Variants in ADCY2 observed in about 807,000 individuals in gnomAD.
ADCY2 encodes the protein adenylate cyclase type 2.
ADCY2 carries 31 observed loss-of-function variants against 125.2 expected under a neutral mutation model. The ratio of observed to expected loss-of-function variants is 0.25; its 90% confidence interval spans 0.19 to 0.33. The LOEUF (loss-of-function observed/expected upper bound fraction) is 0.33, where lower values mean the gene tolerates loss of function less well. ADCY2 is among the 10% of genes least tolerant of loss of function. The probability of loss-of-function intolerance (pLI) is 1.00; values close to 1 mark genes in which losing one functional copy is unlikely to be tolerated. For missense variants in ADCY2, 904 were observed against 1,418.2 expected, an observed-to-expected ratio of 0.64 and a Z score of 5.82; for synonymous variants, 512 against 548.4, an observed-to-expected ratio of 0.93 and a Z score of 0.93.
At chr5:7,573,151 A>C (rs1736116393) in intron 3 of ADCY2, among the ~76,000 whole-genome samples, 1 of 152,188 alleles carries the variant, frequency 6.6e-6, no homozygotes, top group Non-Finnish European at 1.5e-5. Flanking sequence ...TCTAGCCTTG[A>C]AAACTGTGAG....
At chr5:7,762,309 G>A (rs765082652) in intron 16 of ADCY2, among the ~76,000 whole-genome samples, 2 of 152,258 alleles carry the variant, frequency 1.3e-5, no homozygotes, top group Admixed American at 1.3e-4. Context: ...TGGCTGTAGA[G>A]CCTTGTTTAT....
intron 4 of ADCY2, among the ~76,000 whole-genome samples, chr5:7,680,271 A>C (rs1740285879): frequency 6.6e-6 from 1 of 152,168 alleles, no homozygotes; most frequent in Admixed American, 6.5e-5. Context: ...TCTATGTCTC[A>C]GTCTACTGGA....
At chr5:7,423,203 A>C (rs1158825548) in intron 2 of ADCY2, among the ~76,000 whole-genome samples, 2 of 152,194 alleles carry the variant, frequency 1.3e-5, no homozygotes, top group Non-Finnish European at 2.9e-5. Flanking sequence ...AGGGAAGTGC[A>C]GCTGAGCTGG....
intron 3 of ADCY2, among the ~76,000 whole-genome samples, chr5:7,586,692 C>A (rs1736638663): frequency 6.6e-6 from 1 of 152,106 alleles, no homozygotes; most frequent in South Asian, 2.1e-4. Context: ...CCATGATAAA[C>A]TCATCAAGAG....
At chr5:7,693,960 T>C (rs866769893) in intron 5 of ADCY2, among the ~76,000 whole-genome samples, 1 of 152,160 alleles carries the variant, frequency 6.6e-6, no homozygotes, top group South Asian at 2.1e-4. Context: ...TCCTTCCTCT[T>C]GCACAATGGC....
At chr5:7,546,776 G>A (rs779559427) in intron 3 of ADCY2, among the ~76,000 whole-genome samples, 10 of 152,172 alleles carry the variant, frequency 6.6e-5, no homozygotes, top group Non-Finnish European at 1.5e-4. Context: ...CTCTCTTTCA[G>A]CTGTCTTCTC....
chr5:7,811,257 T>C (rs138752858), intron 22 of ADCY2, among the ~76,000 whole-genome samples: 79 of 152,116 alleles, frequency 5.2e-4, no homozygotes, highest in African/African-American at 1.9e-3. Flanking sequence ...AATCCCAGCA[T>C]TTTGAGGGGC....
chr5:7,490,657 A>G (rs574363328), intron 2 of ADCY2, among the ~76,000 whole-genome samples: 1 of 152,140 alleles, frequency 6.6e-6, no homozygotes, highest in African/African-American at 2.4e-5. Flanking sequence ...ACACACATGC[A>G]TGCATGCACA....
At chr5:7,735,806 T>G (rs1742232134) in intron 14 of ADCY2, among the ~76,000 whole-genome samples, 1 of 152,220 alleles carries the variant, frequency 6.6e-6, no homozygotes, top group Admixed American at 6.5e-5. Flanking sequence ...TCTTTGGTAT[T>G]GGTGTCAGGG....
intron 4 of ADCY2, among the ~76,000 whole-genome samples, chr5:7,639,373 T>C (rs2126671903): frequency 6.6e-6 from 1 of 152,260 alleles, no homozygotes; most frequent in African/African-American, 2.4e-5. Flanking sequence ...TGACCAAGAG[T>C]CCACTGCACA....
intron 17 of ADCY2, among the ~76,000 whole-genome samples, chr5:7,772,372 G>T (rs1420895342): frequency 6.6e-6 from 1 of 152,018 alleles, no homozygotes; most frequent in South Asian, 2.1e-4. Flanking sequence ...ACTCCCGGGG[G>T]GATTCATGAC....
chr5:7,663,185 C>G (rs1739595021), intron 4 of ADCY2, among the ~76,000 whole-genome samples: 1 of 152,216 alleles, frequency 6.6e-6, no homozygotes, highest in African/African-American at 2.4e-5. Context: ...CTACAGTAGA[C>G]AGAGTTAGGT....
At chr5:7,686,338 A>G (rs974810197) in intron 4 of ADCY2, among the ~76,000 whole-genome samples, 2 of 152,234 alleles carry the variant, frequency 1.3e-5, no homozygotes, top group South Asian at 2.1e-4. Context: ...AGTACATTGA[A>G]ATTTACTAAA....
chr5:7,736,301 G>A (rs1464776717), intron 14 of ADCY2, among the ~76,000 whole-genome samples: 1 of 152,092 alleles, frequency 6.6e-6, no homozygotes, highest in Non-Finnish European at 1.5e-5. Flanking sequence ...TTTGTAAGTA[G>A]ATTTTTTTAA....
At chr5:7,810,707 A>C (rs1390119843) in intron 22 of ADCY2, among the ~76,000 whole-genome samples, 2 of 152,122 alleles carry the variant, frequency 1.3e-5, no homozygotes, top group Non-Finnish European at 2.9e-5. Flanking sequence ...CCTGATCTTC[A>C]TCCTGATGAC....
At chr5:7,764,730 T>G (rs1413831560) in intron 16 of ADCY2, among the ~76,000 whole-genome samples, 1 of 152,200 alleles carries the variant, frequency 6.6e-6, no homozygotes, top group Admixed American at 6.5e-5. Flanking sequence ...AGAGAAGAGC[T>G]GCCTAAATCA....
At chr5:7,608,700 G>A (rs1412857649) in intron 3 of ADCY2, among the ~76,000 whole-genome samples, 1 of 152,132 alleles carries the variant, frequency 6.6e-6, no homozygotes, top group Non-Finnish European at 1.5e-5. Context: ...AAAATCTAAT[G>A]CCACAGGTAT....
At chr5:7,410,859 G>A (rs979995326) in intron 1 of ADCY2, among the ~76,000 whole-genome samples, 1 of 152,004 alleles carries the variant, frequency 6.6e-6, no homozygotes, top group Non-Finnish European at 1.5e-5. Context: ...TCTAATGTTT[G>A]AAAACAACTC....
chr5:7,699,081 A>ATTTTTTTT (rs561359357), intron 7 of ADCY2, among the ~76,000 whole-genome samples: 387 of 37,970 alleles, frequency 0.01, 113 homozygotes, highest in East Asian at 0.032. Flanking sequence ...AACAGTAAGC[A>ATTTTTTTT]TTTTTTTTTT....
Sources: allele counts gnomAD v4.1 joint callset (sites outside exome capture counted in the v4.1 genomes callset), GRCh38; gene constraint gnomAD v4.1.1; transcripts MANE v1.5; gene names NCBI Gene and HGNC (gene_info 2026-07-23, HGNC 2026-07-21).